The following PCDHGA3 variants were observed in gnomAD, a reference collection of about 807,000 sequenced individuals.
PCDHGA3 encodes the protein protocadherin gamma-A3.
PCDHGA3 carries 40 observed loss-of-function variants against 58.5 expected under a neutral mutation model. That is an observed-to-expected ratio of 0.68 (90% CI 0.53 to 0.89). PCDHGA3 has a LOEUF of 0.89. PCDHGA3 is among the 40% of genes least tolerant of loss of function. The pLI is 0.00. For synonymous variants in PCDHGA3, 530 were observed against 525.7 expected (o/e 1.01, Z -0.11); for missense variants, 1,223 against 1,195.9 (o/e 1.02, Z -0.33).
intron 1 of PCDHGA3, chr5:141,395,542 T>G (rs1357533541): frequency 1.8e-5 from 3 of 170,278 alleles, no homozygotes; most frequent in South Asian, 8.8e-5. Context: ...TTGCTATTGT[T>G]TGTGTGTGTG....
rs73265846 is a variant in PCDHGA3, at chr5:141,370,853, C to T, written c.2424+24396C>T. 1,195 of 1,614,040 alleles carry T rather than the reference C, an allele frequency of 7.4e-4. 6 individuals carry two copies. In the African/African-American group the frequency reaches 0.014, roughly 19 times the overall value. On this transcript the variant is annotated intron_variant, in intron 1 of 3. Coordinates refer to ENST00000253812, the MANE Select transcript of PCDHGA3 (RefSeq NM_018916.4). ...TGGCTCTCACTGGAGCCACATTTGC[C>T]CTGGAATCTGCGCAAGATCCTGATG...
Position 141,477,098 on chromosome 5 carries a change from G to A in PCDHGA3, c.2425-17709G>A, listed in dbSNP as rs1562059777. 1.9e-6 allele frequency: 3 copies of A among 1,614,124 alleles called. No individual in the cohort carries two copies. The highest frequency in any genetic ancestry group is 3.3e-5 in the Admixed American group (2 of 60,008). The stretch of plus-strand genomic sequence containing the variant: ...GATTTACATCCAGGCCAAAGACAAG[G>A]GCGCCAATCCCGAAGGAGCACATTG... On this transcript the variant is annotated intron_variant, in intron 1 of 3. Coordinates refer to ENST00000253812, the MANE Select transcript of PCDHGA3 (RefSeq NM_018916.4). This position sits in a 1 kb window ranked among gnomAD's most constrained non-coding sequence, Gnocchi z 4.9.
intron 1 of PCDHGA3, chr5:141,422,399 T>A: frequency 1.3e-6 from 2 of 1,598,374 alleles, no homozygotes; most frequent in Non-Finnish European, 1.7e-6. Context: ...CCTAACCACC[T>A]GCCTTTTAAA....
At position 141,410,013 on chromosome 5, in the gene PCDHGA3, T is replaced by A. The variant is rs770463619; in HGVS notation, c.2424+63556T>A. On this transcript the variant is annotated intron_variant, in intron 1 of 3. Coordinates refer to ENST00000253812, the MANE Select transcript of PCDHGA3 (RefSeq NM_018916.4). ...GCCGACTCGGGACACAACGCCTGGC[T>A]GTCCTACCACGTGCTGCAGGCCAGT... 1 of 1,613,296 alleles carries A rather than the reference T, an allele frequency of 6.2e-7. No individual in the cohort carries two copies. Among genetic ancestry groups the A allele is most frequent in the East Asian group, 2.2e-5 (1 of 44,870 alleles).
Position 141,485,096 on chromosome 5 carries a change from C to T in PCDHGA3, c.2425-9711C>T, listed in dbSNP as rs1166994104. On this transcript the variant is annotated intron_variant, in intron 1 of 3. Coordinates refer to ENST00000253812, the MANE Select transcript of PCDHGA3 (RefSeq NM_018916.4). This position sits in a 1 kb window ranked among gnomAD's most constrained non-coding sequence, Gnocchi z 5.7. The stretch of plus-strand genomic sequence containing the variant: ...CGCGGGGAAAGGGAGATAGGTGTCT[C>T]CAGCTGCTGTGGCTGTTTGGGGCGG... The T allele has an allele frequency of 1.8e-6, 2 of 1,125,566 alleles. No homozygotes were observed. The highest frequency in any genetic ancestry group is 3.1e-5 in the African/African-American group (2 of 64,908). 69.7% of individuals were successfully genotyped at this position (1,125,566 alleles called of 1,614,324 possible).
chr5:141,460,498 T>G (rs1028506755), intron 1 of PCDHGA3, among the ~76,000 whole-genome samples: 1 of 152,184 alleles, frequency 6.6e-6, no homozygotes. Context: ...TGGAAAAATA[T>G]GCTGAGAAGG....
intron 2 of PCDHGA3, among the ~76,000 whole-genome samples, chr5:141,496,352 G>A (rs2099768243): frequency 2.0e-5 from 3 of 152,200 alleles, no homozygotes; most frequent in South Asian, 2.1e-4. Context: ...GAGTCTCAGA[G>A]CCCAGGGAGA....
rs1214853229 is a variant in PCDHGA3 at position 141,432,238 on chromosome 5, GAA to G, written c.2425-62568_2425-62567del. ...CCCAGATCACTTATTCCCTGGCTGA[GAA>G]CACCATCCAAGGGGCAAGCCTATCG... On this transcript the variant is annotated intron_variant, in intron 1 of 3. Coordinates refer to ENST00000253812, the MANE Select transcript of PCDHGA3 (RefSeq NM_018916.4). The surrounding 1 kb of genome is among the most constrained non-coding windows in gnomAD (Gnocchi z 6.0). 1 of 1,614,216 alleles carries G rather than the reference GAA, an allele frequency of 6.2e-7. No homozygotes were observed. The highest frequency in any genetic ancestry group is 2.2e-5 in the East Asian group (1 of 44,882).
At chr5:141,356,958 C>T in intron 1 of PCDHGA3, 1 of 1,614,256 alleles carries the variant, frequency 6.2e-7, no homozygotes, top group Non-Finnish European at 8.5e-7. Context: ...ATTCCGGCTA[C>T]CTGGTGACCA....
Position 141,431,938 on chromosome 5 carries a change from A to G in PCDHGA3, c.2425-62869A>G, listed in dbSNP as rs150199588. 49 of 1,614,050 alleles carry G rather than the reference A, an allele frequency of 3.0e-5. No individual in the cohort carries two copies. Among genetic ancestry groups the G allele is most frequent in the Non-Finnish European group, 3.9e-5 (46 of 1,180,026 alleles). Reference sequence around the variant, plus strand: ...TCATCCAAGGAAATCTGCCCTTTAAATTAGAAAAATCTTACGGAAATTACT... The same window carrying G: ...TCATCCAAGGAAATCTGCCCTTTAAGTTAGAAAAATCTTACGGAAATTACT... On this transcript the variant is annotated intron_variant, in intron 1 of 3. Coordinates refer to ENST00000253812, the MANE Select transcript of PCDHGA3 (RefSeq NM_018916.4). This position sits in a 1 kb window ranked among gnomAD's most constrained non-coding sequence, Gnocchi z 4.8.
Position 141,490,869 on chromosome 5 carries a change from A to AT in PCDHGA3, c.2425-3936dup. 1.2e-6 allele frequency: 2 copies of AT among 1,613,902 alleles called. No individual in the cohort carries two copies. Among genetic ancestry groups the AT allele is most frequent in the Non-Finnish European group, 8.5e-7 (1 of 1,179,954 alleles). ...GGGTTCGAGACTCCGGCTCTCCCCC[A>AT]TTGCATGCCAACACATCTCTGCATG... On this transcript the variant is annotated intron_variant, in intron 1 of 3. Coordinates refer to ENST00000253812, the MANE Select transcript of PCDHGA3 (RefSeq NM_018916.4). This position sits in a 1 kb window ranked among gnomAD's most constrained non-coding sequence, Gnocchi z 5.4.
Position 141,505,427 on chromosome 5 carries a change from A to G in PCDHGA3, c.2518A>G (p.Asn840Asp), listed in dbSNP as rs1453435374. Reference protein sequence around the residue: ...QNGDDTGTWPNNQFDTEMLQA... With the variant: ...QNGDDTGTWPDNQFDTEMLQA... The stretch of plus-strand genomic sequence containing the variant: ...TGGCGATGACACCGGCACCTGGCCC[A>G]ACAACCAGTTTGACACAGAGATGCT... The change falls in exon 3 of 4, where the codon AAC (asparagine) becomes GAC (aspartate). Residue 840 changes from asparagine to aspartate, a missense_variant. Physicochemically the swap from Asn to Asp is conservative, Grantham distance 23 (BLOSUM62 1). Around this residue, in one of 3 missense-constraint regions of PCDHGA3, gnomAD observed 325 missense variants for 327.5 expected, o/e 0.99. Coordinates refer to ENST00000253812, the MANE Select transcript of PCDHGA3 (RefSeq NM_018916.4). 1 of 1,614,230 alleles carries G rather than the reference A, an allele frequency of 6.2e-7. No individual in the cohort carries two copies. Among genetic ancestry groups the G allele is most frequent in the East Asian group, 2.2e-5 (1 of 44,878 alleles).
chr5:141,378,683 C>G (rs559332008), intron 1 of PCDHGA3: 9 of 152,254 alleles, frequency 5.9e-5, no homozygotes, highest in Admixed American at 5.9e-4. Context: ...AATATTTTAG[C>G]ATTTTAACCC....
chr5:141,457,429 C>A (rs73280316), intron 1 of PCDHGA3, among the ~76,000 whole-genome samples: 7 of 152,178 alleles, frequency 4.6e-5, no homozygotes, highest in Non-Finnish European at 7.4e-5. Flanking sequence ...TTTTCCCCCC[C>A]ACCAAGCTGC....
intron 1 of PCDHGA3, chr5:141,415,772 T>TTA: frequency 7.5e-7 from 1 of 1,332,978 alleles, no homozygotes; most frequent in Non-Finnish European, 9.6e-7. Flanking sequence ...TTTTTTTTTT[T>TTA]ACTTTCTGGT....
chr5:141,346,489 A>C, intron 1 of PCDHGA3, 32 bp downstream of exon 1: 1 of 1,612,884 alleles, frequency 6.2e-7, no homozygotes, highest in Non-Finnish European at 8.5e-7. Flanking sequence ...ATTATTAAGA[A>C]CAAATATGAG....
chr5:141,421,054 A>G, intron 1 of PCDHGA3: 3 of 571,978 alleles, frequency 5.2e-6, no homozygotes, highest in Non-Finnish European at 9.0e-6. Context: ...CGCCTCTACC[A>G]CACAAAGCGG....
intron 1 of PCDHGA3, among the ~76,000 whole-genome samples, chr5:141,445,567 T>C (rs1465765772): frequency 6.6e-6 from 1 of 152,142 alleles, no homozygotes; most frequent in Admixed American, 6.5e-5. Context: ...AGAGAAAGCT[T>C]ATAGTAGGGA....
At chr5:141,404,518 T>C (rs775647026) in intron 1 of PCDHGA3, 16 of 1,613,656 alleles carry the variant, frequency 9.9e-6, no homozygotes, top group Non-Finnish European at 1.4e-5. Flanking sequence ...CCTTTGACTA[T>C]GAGCAGTTTA....
Sources: allele counts gnomAD v4.1 joint callset (sites outside exome capture counted in the v4.1 genomes callset), GRCh38; gene constraint gnomAD v4.1.1; regional missense constraint gnomAD v4.1.1; non-coding constraint Gnocchi (gnomAD v3.1); transcripts MANE v1.5; gene names NCBI Gene and HGNC (gene_info 2026-07-23, HGNC 2026-07-21).